The following TMX2 variants were observed in gnomAD, a reference collection of about 807,000 sequenced individuals.
The protein encoded by TMX2 is thioredoxin related transmembrane protein 2, also known as thioredoxin-related transmembrane protein 2.
Under a neutral mutation model 33.4 loss-of-function variants are expected in TMX2, and 20 were observed. That is an observed-to-expected ratio of 0.60 (90% CI 0.42 to 0.87). TMX2 has a LOEUF of 0.87. Ranked by LOEUF, TMX2 falls within the 40% of genes least tolerant of loss-of-function variation. The probability of loss-of-function intolerance (pLI) is 0.00; values close to 1 mark genes in which losing one functional copy is unlikely to be tolerated. For synonymous variants in TMX2, 166 were observed against 140.7 expected, an observed-to-expected ratio of 1.18 and a Z score of -1.27; for missense variants, 340 against 370.7, an observed-to-expected ratio of 0.92 and a Z score of 0.68.
At chr11:57,731,117 TGTTTTTTG>T (rs1223821988) in intron 1 of TMX2, among the ~76,000 whole-genome samples, 12 of 105,362 alleles carry the variant, frequency 1.1e-4, no homozygotes, top group Non-Finnish European at 1.8e-4. Context: ...TTCCGTTTTT[TGTTTTTTG>T]TTTTTTTTTT....
intron 1 of TMX2, among the ~76,000 whole-genome samples, chr11:57,729,762 A>G (rs1590948787): frequency 6.7e-6 from 1 of 150,186 alleles, no homozygotes; most frequent in South Asian, 2.1e-4. Context: ...TGTGTATACA[A>G]TATTTTCACT....
chr11:57,714,630 G>A (rs1946858579), intron 1 of TMX2, among the ~76,000 whole-genome samples: 1 of 151,998 alleles, frequency 6.6e-6, no homozygotes, highest in African/African-American at 2.4e-5. Context: ...GTCTTGCTCT[G>A]TCATCCAAGC....
chr11:57,731,143 T>TG (rs1948373874), intron 1 of TMX2, among the ~76,000 whole-genome samples: 1 of 141,222 alleles, frequency 7.1e-6, no homozygotes, highest in African/African-American at 2.6e-5. Context: ...TTTTTTTTTT[T>TG]TTTTTTTTTT....
chr11:57,712,741 A>G lies in TMX2; in HGVS notation c.123A>G (p.Lys41=), dbSNP rs1946685298. The G allele has an allele frequency of 1.2e-6, 2 of 1,614,018 alleles. No homozygotes were observed. Among genetic ancestry groups the G allele is most frequent in the Non-Finnish European group, 1.7e-6 (2 of 1,180,038 alleles). The change falls in exon 1 of 8, where the codon AAA becomes AAG. Residue 41 remains lysine (K), a synonymous_variant. Coordinates refer to ENST00000278422, the MANE Select transcript of TMX2 (RefSeq NM_015959.4). The part of the protein sequence containing the change: ...LLSAAFLLVR[K]LPPLCHGLPT... ...CTGCTGCCTTCCTACTCGTGAGGAA[A>G]CTGCCGCCGCTCTGCCACGGTCTGC... is the stretch of plus-strand genomic sequence containing the variant.
At chr11:57,724,239 A>G (rs1947827415) in intron 1 of TMX2, among the ~76,000 whole-genome samples, 1 of 152,164 alleles carries the variant, frequency 6.6e-6, no homozygotes, top group Non-Finnish European at 1.5e-5. Flanking sequence ...ATTCTTGAAA[A>G]AGCAATCAGC....
Position 57,738,738 on chromosome 11 carries a change from ATT to A in TMX2, c.518_519del (p.Phe173CysfsTer6). ...FANWSNDCQSFAPIYADLSLK... is the reference protein window; with the variant it reads ...FANWSNDCQSXAPIYADLSLK... Reference sequence around the variant, plus strand: ...CCAATTGGTCTAATGACTGCCAATCATTTGCCCCTATCTATGCTGACCTCTCC... The same window carrying A: ...CCAATTGGTCTAATGACTGCCAATCATGCCCCTATCTATGCTGACCTCTCC... On this transcript the variant is annotated frameshift_variant, in exon 5 of 8. Transcript: ENST00000278422. LOFTEE classifies it high-confidence loss of function. The A allele has an allele frequency of 6.2e-7, 1 of 1,614,108 alleles. No individual in the cohort carries two copies. The highest frequency in any genetic ancestry group is 8.5e-7 in the Non-Finnish European group (1 of 1,180,002).
intron 1 of TMX2, among the ~76,000 whole-genome samples, chr11:57,719,033 A>ATTTT (rs1191976911): frequency 3.8e-4 from 27 of 70,632 alleles, no homozygotes; most frequent in African/African-American, 6.4e-4. Context: ...ATATATATAT[A>ATTTT]TTTTTTTTTT....
intron 1 of TMX2, among the ~76,000 whole-genome samples, chr11:57,719,080 G>T (rs1309024665): frequency 7.7e-6 from 1 of 130,512 alleles, no homozygotes; most frequent in Non-Finnish European, 1.6e-5. Flanking sequence ...CTGTCACCCA[G>T]GCTGGAGTGC....
intron 1 of TMX2, among the ~76,000 whole-genome samples, chr11:57,725,462 C>T (rs1487069660): frequency 6.6e-6 from 1 of 152,042 alleles, no homozygotes; most frequent in African/African-American, 2.4e-5. Flanking sequence ...ATTGGCTGGT[C>T]GAGGTGGCTC....
Position 57,740,293 on chromosome 11 carries a change from T to A in TMX2, c.*48T>A. ...CCTCTCCTGTCAATTCCAGGCTCTT[T>A]CCATAACCACAAGCCTGAGGCTGCA... On this transcript the variant is annotated 3_prime_UTR_variant, in exon 8 of 8. Coordinates refer to ENST00000278422, the MANE Select transcript of TMX2 (RefSeq NM_015959.4). 1 of 1,531,826 alleles carries A rather than the reference T, an allele frequency of 6.5e-7. No individual in the cohort carries two copies. The highest frequency in any genetic ancestry group is 1.4e-5 in the African/African-American group (1 of 71,622). The allele number at this position is 1,531,826 out of a possible 1,614,324, so 94.9% of individuals were successfully genotyped here. A position where few individuals can be genotyped will look rare whatever the true frequency, so the allele number is the denominator to read the frequency against.
chr11:57,738,265 T>TG, intron 3 of TMX2, 89 bp from the exon 4 acceptor site: 1 of 965,928 alleles, frequency 1.0e-6, no homozygotes, highest in Non-Finnish European at 1.6e-6. Context: ...GTGTATTATT[T>TG]GGGGGCTGAA....
intron 1 of TMX2, among the ~76,000 whole-genome samples, chr11:57,730,622 C>T (rs1948314701): frequency 6.6e-6 from 1 of 151,352 alleles, no homozygotes; most frequent in African/African-American, 2.4e-5. Flanking sequence ...CCTGTAATCC[C>T]AACTACTCGG....
chr11:57,738,582 G>C (rs778196506), intron 4 of TMX2, 82 bp from the exon 5 acceptor site: 6 of 1,321,520 alleles, frequency 4.5e-6, no homozygotes, highest in Non-Finnish European at 6.6e-6. Flanking sequence ...GGAACACCAG[G>C]ATGAGGAATT....
intron 1 of TMX2, among the ~76,000 whole-genome samples, chr11:57,716,735 G>A (rs1947108798): frequency 1.4e-5 from 2 of 146,614 alleles, no homozygotes; most frequent in African/African-American, 2.5e-5. Flanking sequence ...CCTCCCTCCC[G>A]GACGGGGTGG....
At chr11:57,718,257 G>T (rs1183106330) in intron 1 of TMX2, 2 of 1,523,238 alleles carry the variant, frequency 1.3e-6, no homozygotes, top group African/African-American at 2.7e-5. Flanking sequence ...GCCAGGACCT[G>T]TATGCTTTAG....
chr11:57,739,868 G>C (rs1948985576), intron 7 of TMX2, among the ~76,000 whole-genome samples: 1 of 152,192 alleles, frequency 6.6e-6, no homozygotes, highest in Non-Finnish European at 1.5e-5. Context: ...TTGTTTTGCA[G>C]ATTACATTAA....
intron 1 of TMX2, among the ~76,000 whole-genome samples, chr11:57,721,502 C>T (rs1947631440): frequency 6.6e-6 from 1 of 151,842 alleles, no homozygotes; most frequent in African/African-American, 2.4e-5. Context: ...TTTTAGTAGA[C>T]ATGGGGTTTT....
chr11:57,720,134 C>CAAAAAAAAAAAAA (rs59914635), intron 1 of TMX2, among the ~76,000 whole-genome samples: 1 of 128,142 alleles, frequency 7.8e-6, no homozygotes. Flanking sequence ...ACTAAAAATA[C>CAAAAAAAAAAAAA]AAAAAAAAAA....
chr11:57,739,603 C>T (rs1948965298), intron 7 of TMX2, among the ~76,000 whole-genome samples: 1 of 152,100 alleles, frequency 6.6e-6, no homozygotes, highest in Non-Finnish European at 1.5e-5. Context: ...ACTAAAAATA[C>T]AAAAATAGCC....
Sources: allele counts gnomAD v4.1 joint callset (sites outside exome capture counted in the v4.1 genomes callset), GRCh38; gene constraint gnomAD v4.1.1; transcripts MANE v1.5; gene names NCBI Gene and HGNC (gene_info 2026-07-23, HGNC 2026-07-21).